Variants in FRMD4A observed in about 807,000 individuals in gnomAD.
FRMD4A encodes FERM domain containing 4A.
Under a neutral mutation model 129.1 loss-of-function variants are expected in FRMD4A, and 29 were observed. The ratio of observed to expected loss-of-function variants is 0.22; its 90% CI spans 0.17 to 0.31. The LOEUF (loss-of-function observed/expected upper bound fraction) is 0.31, where lower values mean the gene tolerates loss of function less well. Ranked by LOEUF, FRMD4A falls within the 10% of genes least tolerant of loss-of-function variation. The probability of loss-of-function intolerance (pLI) is 1.00; values close to 1 mark genes in which losing one functional copy is unlikely to be tolerated. For synonymous variants in FRMD4A, 634 were observed against 571.6 expected, an observed-to-expected ratio of 1.11 and a Z score of -1.56; for missense variants, 1,272 against 1,375.8, an observed-to-expected ratio of 0.92 and a Z score of 1.19.
intron 15 of FRMD4A, among the ~76,000 whole-genome samples, chr10:13,676,152 A>G (rs2083963271): frequency 6.6e-6 from 1 of 152,120 alleles, no homozygotes; most frequent in Non-Finnish European, 1.5e-5. Flanking sequence ...CAGTGTTTGG[A>G]TTCTGAAATA....
chr10:13,866,108 C>T (rs2094364313), intron 2 of FRMD4A, among the ~76,000 whole-genome samples: 1 of 152,168 alleles, frequency 6.6e-6, no homozygotes, highest in Admixed American at 6.5e-5. Flanking sequence ...TAATGACTCA[C>T]TAGAATTGCA....
chr10:13,674,641 A>G (rs1408960860), intron 16 of FRMD4A, among the ~76,000 whole-genome samples: 2 of 152,236 alleles, frequency 1.3e-5, no homozygotes, highest in East Asian at 1.9e-4. Context: ...TTTCCCAGCC[A>G]GGTCAACTGC....
chr10:14,280,553 C>A (rs1048804789), intron 2 of FRMD4A, among the ~76,000 whole-genome samples: 1 of 152,140 alleles, frequency 6.6e-6, no homozygotes, highest in Non-Finnish European at 1.5e-5. Context: ...AAATTAAATA[C>A]AATCATCATT....
rs186691694 is a variant in FRMD4A, at chr10:13,926,196, G to A, written c.46-67284C>T. Among the ~76,000 whole-genome samples, 10 of 152,276 alleles carry A rather than the reference G, an allele frequency of 6.6e-5. No individual in the cohort carries two copies. In the South Asian group the frequency reaches 1.0e-3, roughly 16 times the overall value. On this transcript the variant is annotated intron_variant, in intron 2 of 24. Transcript: ENST00000357447. ...GAAATGGAACAGAAGAGAAAATGAG[G>A]CTGTGTATTGGAAAACATTTGTCAG...
chr10:14,238,864 C>G (rs1342563441), intron 2 of FRMD4A, among the ~76,000 whole-genome samples: 3 of 152,176 alleles, frequency 2.0e-5, no homozygotes, highest in African/African-American at 7.2e-5. Context: ...GACATGAACT[C>G]ATTCTTTTTT....
chr10:13,819,019 T>G (rs1413952554), intron 3 of FRMD4A, among the ~76,000 whole-genome samples: 2 of 152,012 alleles, frequency 1.3e-5, no homozygotes, highest in African/African-American at 4.8e-5. Flanking sequence ...TCCCAGCTAC[T>G]CGAGAGGCTG....
chr10:14,039,407 C>CATCCATCCATCCATCCATCCATCTATCT (rs1285305420), intron 2 of FRMD4A, among the ~76,000 whole-genome samples: 1 of 147,700 alleles, frequency 6.8e-6, no homozygotes, highest in Non-Finnish European at 1.5e-5. Context: ...TCCATCCATC[C>CATCCATCCATCCATCCATCCATCTATCT]ATCTATCTAT....
intron 12 of FRMD4A, among the ~76,000 whole-genome samples, chr10:13,732,127 C>T (rs972082674): frequency 3.9e-5 from 6 of 152,180 alleles, no homozygotes; most frequent in African/African-American, 7.2e-5. Context: ...TCGGAGCCAC[C>T]GGTGAGGTCC....
rs543072238 is a variant in FRMD4A at position 13,763,109 on chromosome 10, G to A, written c.385-429C>T. Among the ~76,000 whole-genome samples, 10 of 152,170 alleles carry A rather than the reference G, an allele frequency of 6.6e-5. No homozygotes were observed. The South Asian group carries it at 1.0e-3, about 16-fold the overall frequency. ...TTCAGTCCTAAACACTCCCAACATC[G>A]TTTTTACTGCTCTTAGCTGGGATGG... On this transcript the variant is annotated intron_variant, in intron 6 of 24. Transcript: ENST00000357447.
chr10:14,151,307 A>G (rs1177132350), intron 2 of FRMD4A, among the ~76,000 whole-genome samples: 2 of 152,246 alleles, frequency 1.3e-5, no homozygotes, highest in African/African-American at 4.8e-5. Context: ...TGGTACATGT[A>G]CACCATGAAA....
intron 2 of FRMD4A, among the ~76,000 whole-genome samples, chr10:13,928,114 A>T (rs1438863590): frequency 2.0e-5 from 3 of 149,030 alleles, no homozygotes; most frequent in Non-Finnish European, 3.0e-5. Flanking sequence ...TTGACCTCCC[A>T]GGCTCAAGCA....
chr10:13,873,778 C>T (rs1359751684), intron 2 of FRMD4A, among the ~76,000 whole-genome samples: 2 of 151,742 alleles, frequency 1.3e-5, no homozygotes, highest in African/African-American at 2.4e-5. Context: ...AACTCCTGAC[C>T]TCTGGTGATC....
intron 2 of FRMD4A, among the ~76,000 whole-genome samples, chr10:14,082,083 T>TA (rs753392806): frequency 2.4e-4 from 36 of 151,974 alleles, no homozygotes; most frequent in Admixed American, 1.1e-3. Context: ...CCATCTCTAC[T>TA]AAAAATACAA....
intron 2 of FRMD4A, among the ~76,000 whole-genome samples, chr10:14,181,013 C>G (rs1841895021): frequency 6.6e-6 from 1 of 152,190 alleles, no homozygotes; most frequent in Non-Finnish European, 1.5e-5. Flanking sequence ...TTAGACTCTG[C>G]CCCATTTTCT....
chr10:13,836,755 CT>C (rs35995042), intron 3 of FRMD4A, among the ~76,000 whole-genome samples: 26,350 of 109,432 alleles, frequency 0.24, 1,925 homozygotes, highest in Middle Eastern at 0.38. Flanking sequence ...CTCAGTGGTT[CT>C]TTTTTTTTTT....
At chr10:14,307,634 C>T (rs1290608206) in intron 2 of FRMD4A, among the ~76,000 whole-genome samples, 1 of 152,240 alleles carries the variant, frequency 6.6e-6, no homozygotes, top group South Asian at 2.1e-4. Flanking sequence ...GTCCTTCTAG[C>T]TTGACACCTT....
At chr10:13,659,866 C>CCG (rs1554827856) in intron 20 of FRMD4A, among the ~76,000 whole-genome samples, 4 of 58,934 alleles carry the variant, frequency 6.8e-5, no homozygotes, top group Admixed American at 1.9e-4. Flanking sequence ...GCCTTCCCCC[C>CCG]CAAAAAAAAC....
intron 2 of FRMD4A, among the ~76,000 whole-genome samples, chr10:13,863,947 T>A (rs937976810): frequency 1.9e-4 from 29 of 152,274 alleles, no homozygotes; most frequent in African/African-American, 7.0e-4. Context: ...ACACGGAAAG[T>A]AATAGAATTT....
intron 19 of FRMD4A, 87 bp from the exon 20 acceptor site, chr10:13,660,640 C>T: frequency 1.3e-6 from 1 of 782,540 alleles, no homozygotes. Flanking sequence ...CCACCCGCAC[C>T]TTGGAGCCAC....
Sources: allele counts gnomAD v4.1 joint callset (sites outside exome capture counted in the v4.1 genomes callset), GRCh38; gene constraint gnomAD v4.1.1; transcripts MANE v1.5; gene names NCBI Gene and HGNC (gene_info 2026-07-23, HGNC 2026-07-21).